ATAD2: variants seen among roughly 807,000 people sequenced by gnomAD.
The protein encoded by ATAD2 is ATPase family AAA domain-containing protein 2.
Under a neutral mutation model 168.9 loss-of-function variants are expected in ATAD2, and 62 were observed. That is an observed-to-expected ratio of 0.37 (90% CI 0.30 to 0.45). The LOEUF (loss-of-function observed/expected upper bound fraction) is 0.45. Ranked by LOEUF, ATAD2 falls within the 20% of genes least tolerant of loss-of-function variation. The pLI, the probability that ATAD2 is intolerant of heterozygous loss-of-function variation, is 1.00. For missense variants in ATAD2, 1,419 were observed against 1,667.8 expected (o/e 0.85, Z 2.60); for synonymous variants, 613 against 571.6 (o/e 1.07, Z -1.03).
intron 1 of ATAD2, among the ~76,000 whole-genome samples, chr8:123,393,188 A>T (rs1336780455): frequency 6.6e-6 from 1 of 150,796 alleles, no homozygotes; most frequent in Non-Finnish European, 1.5e-5. Flanking sequence ...CCATCTCAAA[A>T]AAAAAAAAAA....
At chr8:123,407,053 A>G (rs973900494) in intron 1 of ATAD2, among the ~76,000 whole-genome samples, 5 of 152,224 alleles carry the variant, frequency 3.3e-5, no homozygotes, top group African/African-American at 1.2e-4. Flanking sequence ...TGGTGCATAC[A>G]GACACAGAGA....
rs532450561 is a variant in ATAD2, at chr8:123,361,000, A to G, written c.1157+539T>C. On this transcript the variant is annotated intron_variant, in intron 9 of 27. Coordinates refer to ENST00000287394, the MANE Select transcript of ATAD2 (RefSeq NM_014109.4). The stretch of plus-strand genomic sequence containing the variant: ...TTCCTTAAGTCACTGTTTGACCAGA[A>G]CCACTGTGGGCCATATATAATGATT... Among the ~76,000 whole-genome samples the G allele has an allele frequency of 2.0e-5, 3 of 151,952 alleles. No homozygotes were observed. The South Asian group carries it at 6.2e-4, about 31-fold the overall frequency.
intron 2 of ATAD2, among the ~76,000 whole-genome samples, chr8:123,377,734 T>C (rs551555424): frequency 3.9e-5 from 6 of 152,346 alleles, no homozygotes; most frequent in East Asian, 3.9e-4. Flanking sequence ...CTTCTCTTTA[T>C]TGGAAATGTG....
intron 1 of ATAD2, among the ~76,000 whole-genome samples, chr8:123,389,435 T>G (rs111582553): frequency 2.0e-5 from 3 of 149,506 alleles, no homozygotes; most frequent in Non-Finnish European, 3.0e-5. Flanking sequence ...GTCGGGAGAT[T>G]GAGACCATCC....
intron 26 of ATAD2, among the ~76,000 whole-genome samples, chr8:123,323,768 T>G (rs1827535768): frequency 6.6e-6 from 1 of 152,130 alleles, no homozygotes; most frequent in African/African-American, 2.4e-5. Context: ...ACTACATCCT[T>G]TATACAAATT....
chr8:123,406,382 C>CAAAAA (rs34085644), intron 1 of ATAD2, among the ~76,000 whole-genome samples: 1 of 90,826 alleles, frequency 1.1e-5, no homozygotes, highest in African/African-American at 4.7e-5. Context: ...ACTGTCTCAC[C>CAAAAA]AAAAAAAAAA....
At position 123,413,224 on chromosome 8, in the gene ATAD2, G is replaced by GC. The variant is rs34824091; in HGVS notation, c.-2282+3023dup. Among the ~76,000 whole-genome samples, 636 of 129,734 alleles carry GC rather than the reference G, an allele frequency of 4.9e-3. 9 individuals are homozygous for GC. The highest frequency in any genetic ancestry group is 7.6e-3 in the Non-Finnish European group (459 of 60,560). 85.1% of individuals were successfully genotyped at this position (129,734 alleles called of 152,430 possible). On this transcript the variant is annotated intron_variant, in intron 1 of 28. Coordinates refer to the ATAD2 transcript ENST00000521903. ...TTTCACTTCCCTGGCTCTAATGAGCGCCCCCCCCCCCCCAACTCCTCCCTG... is the reference window on the plus strand; with the variant it reads ...TTTCACTTCCCTGGCTCTAATGAGCGCCCCCCCCCCCCCCAACTCCTCCCTG...
At chr8:123,334,926 C>A (rs1406600960) in intron 22 of ATAD2, among the ~76,000 whole-genome samples, 1 of 152,172 alleles carries the variant, frequency 6.6e-6, no homozygotes, top group East Asian at 1.9e-4. Flanking sequence ...ACATTACACG[C>A]AGAATGCTGA....
chr8:123,385,075 T>C (rs1829609397), intron 1 of ATAD2, among the ~76,000 whole-genome samples: 1 of 152,226 alleles, frequency 6.6e-6, no homozygotes, highest in Admixed American at 6.5e-5. Flanking sequence ...TTTAGGTACC[T>C]CCAAACTTGA....
At chr8:123,365,963 G>A (rs1828964471) in intron 8 of ATAD2, among the ~76,000 whole-genome samples, 1 of 152,046 alleles carries the variant, frequency 6.6e-6, no homozygotes, top group Admixed American at 6.6e-5. Flanking sequence ...GCAAAAGGAA[G>A]AATCAGCAGA....
At chr8:123,356,994 C>T (rs1412623907) in intron 12 of ATAD2, among the ~76,000 whole-genome samples, 1 of 151,990 alleles carries the variant, frequency 6.6e-6, no homozygotes, top group East Asian at 1.9e-4. Context: ...ACTATGGAAA[C>T]AAGACAAAGA....
At chr8:123,386,098 G>GT in intron 1 of ATAD2, among the ~76,000 whole-genome samples, 1 of 151,668 alleles carries the variant, frequency 6.6e-6, no homozygotes, top group East Asian at 1.9e-4. Flanking sequence ...GTTGCTGGTG[G>GT]TAACATAAAA....
In ATAD2 at chr8:123,334,577, G is replaced by GA. The variant is rs1180245486; in HGVS notation, c.3212-256dup. ...CTGTTCAGATCCCTTTGAAATATCA[G>GA]AAAAAAAAAAGGAATCAATCAATAG... On this transcript the variant is annotated intron_variant, in intron 22 of 27. Coordinates refer to ENST00000287394, the MANE Select transcript of ATAD2 (RefSeq NM_014109.4). Among the ~76,000 whole-genome samples, 526 of 139,518 alleles carry GA rather than the reference G, an allele frequency of 3.8e-3. 1 individual carries two copies. The highest frequency in any genetic ancestry group is 8.4e-3 in the East Asian group (40 of 4,788). The allele number at this position is 139,518 out of a possible 152,430, so 91.5% of individuals were successfully genotyped here. A position where few individuals can be genotyped will look rare whatever the true frequency, so the allele number is the denominator to read the frequency against.
chr8:123,364,866 T>G (rs1828924650), intron 8 of ATAD2, among the ~76,000 whole-genome samples: 1 of 152,048 alleles, frequency 6.6e-6, no homozygotes, highest in African/African-American at 2.4e-5. Flanking sequence ...GAACTGGAAC[T>G]AGACAAGGAT....
rs142440970 is a variant in ATAD2, at chr8:123,388,865, G to A, written c.171+7322C>T. Among the ~76,000 whole-genome samples, 616 of 151,714 alleles carry A rather than the reference G, an allele frequency of 4.1e-3. 6 individuals carry two copies. Among genetic ancestry groups the A allele is most frequent in the African/African-American group, 0.014 (590 of 41,370 alleles). On this transcript the variant is annotated intron_variant, in intron 1 of 27. Transcript: ENST00000287394. Reference sequence around the variant, plus strand: ...TTTCTTAAAATGCTTCGGTCCCTTGGTTTACTTAATACTCTTAGTTCCATG... The same window carrying A: ...TTTCTTAAAATGCTTCGGTCCCTTGATTTACTTAATACTCTTAGTTCCATG...
intron 8 of ATAD2, among the ~76,000 whole-genome samples, chr8:123,362,845 T>C (rs1828866702): frequency 6.6e-6 from 1 of 152,202 alleles, no homozygotes; most frequent in South Asian, 2.1e-4. Context: ...TACCATCCAC[T>C]GTAAATTCAC....
intron 21 of ATAD2, among the ~76,000 whole-genome samples, chr8:123,336,881 C>G (rs1362652306): frequency 6.6e-6 from 1 of 151,894 alleles, no homozygotes; most frequent in East Asian, 1.9e-4. Flanking sequence ...AATATCATGC[C>G]TGTAATCCCC....
Position 123,328,343 on chromosome 8 carries a change from A to T in ATAD2, c.3715T>A (p.Leu1239Met). The T allele has an allele frequency of 6.2e-7, 1 of 1,606,174 alleles. No individual in the cohort carries two copies. The highest frequency in any genetic ancestry group is 1.7e-4 in the Middle Eastern group (1 of 6,038). The change falls in exon 25 of 28, where the codon TTG (leucine) becomes ATG (methionine). Residue 1239 changes from leucine (L) to methionine (M), a missense_variant. Leu to Met is a conservative substitution (Grantham distance 15). This residue lies in a region of ATAD2 where 303 missense variants were observed against 304.3 expected (regional missense o/e 1.00). Transcript: ENST00000287394. ...QQNASESKLE[L>M]RNNSNTCNIE... ...TTACAAGTATTTGAATTATTTCTCA[A>T]TTCCAGTTTGCTTTCAGAGGCATTT...
At chr8:123,342,119 AAAAT>A (rs1245374282) in intron 19 of ATAD2, among the ~76,000 whole-genome samples, 1 of 152,166 alleles carries the variant, frequency 6.6e-6, no homozygotes, top group Non-Finnish European at 1.5e-5. Flanking sequence ...TAAATAAAAT[AAAAT>A]AAAGTAAAAT....
Sources: gnomAD v4.1 joint callset for allele counts (sites outside exome capture counted in the v4.1 genomes callset) on GRCh38, gnomAD v4.1.1 for gene constraint, gnomAD v4.1.1 regional missense constraint, MANE v1.5 for transcripts, NCBI Gene and HGNC (gene_info 2026-07-23, HGNC 2026-07-21) for gene names.